Variants in TULP4 observed in about 807,000 individuals in gnomAD.
The protein encoded by TULP4 is tubby-related protein 4.
A neutral mutation model predicts 129.0 loss-of-function variants in TULP4; 16 were observed. The observed-to-expected ratio is 0.12, with a 90% confidence interval of 0.08 to 0.19. The LOEUF is 0.19. Ranked by LOEUF, TULP4 falls within the 10% of genes least tolerant of loss-of-function variation. The probability of loss-of-function intolerance (pLI) is 1.00; values close to 1 mark genes in which losing one functional copy is unlikely to be tolerated. For missense variants in TULP4, 1,842 were observed against 2,059.1 expected, an observed-to-expected ratio of 0.89 and a Z score of 2.04; for synonymous variants, 998 against 854.0, an observed-to-expected ratio of 1.17 and a Z score of -2.94.
At chr6:158,292,559 T>C (rs1248827672) in intron 1 of TULP4, among the ~76,000 whole-genome samples, 1 of 152,222 alleles carries the variant, frequency 6.6e-6, no homozygotes, top group Non-Finnish European at 1.5e-5. Flanking sequence ...AAGTGTAACA[T>C]GTAATTTTAC....
intron 1 of TULP4, among the ~76,000 whole-genome samples, chr6:158,338,444 C>T (rs533768243): frequency 6.6e-6 from 1 of 152,326 alleles, no homozygotes; most frequent in African/African-American, 2.4e-5. Flanking sequence ...TGGACACTCT[C>T]ATGCAGCCAG....
chr6:158,236,102 A>AT (rs1445783150), intron 1 of TULP4, among the ~76,000 whole-genome samples: 3 of 152,352 alleles, frequency 2.0e-5, no homozygotes, highest in Non-Finnish European at 4.4e-5. Flanking sequence ...CTGAATGGAA[A>AT]GGTATATTCA....
At chr6:158,276,305 TC>T in intron 1 of TULP4, among the ~76,000 whole-genome samples, 1 of 130,326 alleles carries the variant, frequency 7.7e-6, no homozygotes, top group African/African-American at 2.6e-5. Flanking sequence ...TCTTCTTCTT[TC>T]TTTTTTTTTT....
chr6:158,382,802 A>T (rs147465525), intron 1 of TULP4, among the ~76,000 whole-genome samples: 36 of 152,352 alleles, frequency 2.4e-4, no homozygotes, highest in African/African-American at 8.7e-4. Flanking sequence ...TTTGTAAGCC[A>T]TGAGACTTGT....
At chr6:158,241,832 A>C (rs1359192451) in intron 1 of TULP4, 3 of 595,434 alleles carry the variant, frequency 5.0e-6, no homozygotes, top group East Asian at 6.5e-5. Flanking sequence ...TGACCTTGTG[A>C]TCTGCCTGCC....
chr6:158,493,819 G>A lies in TULP4; in HGVS notation c.1776+102G>A. 7.5e-7 allele frequency: 1 copy of A among 1,325,298 alleles called. No individual in the cohort carries two copies. The highest frequency in any genetic ancestry group is 2.8e-5 in the East Asian group (1 of 36,082). The allele number at this position is 1,325,298 out of a possible 1,614,324, so 82.1% of individuals were successfully genotyped here. On this transcript the variant is annotated intron_variant, in intron 10 of 13. Coordinates refer to ENST00000367097, the MANE Select transcript of TULP4 (RefSeq NM_020245.5). The surrounding 1 kb of genome is among the most constrained non-coding windows in gnomAD (Gnocchi z 4.4). Reference sequence around the variant, plus strand: ...CCTGCACTGCTCACTGCCACCATGGGTCCCTGAGCTCTGCTCCACATCCTG... The same window carrying A: ...CCTGCACTGCTCACTGCCACCATGGATCCCTGAGCTCTGCTCCACATCCTG...
chr6:158,342,453 A>G (rs1188386893), intron 1 of TULP4, among the ~76,000 whole-genome samples: 1 of 152,190 alleles, frequency 6.6e-6, no homozygotes, highest in Non-Finnish European at 1.5e-5. Context: ...TTTTGTTTAT[A>G]TAGCCTCGGT....
chr6:158,494,368 T>C (rs1780279835), intron 10 of TULP4, among the ~76,000 whole-genome samples: 1 of 152,198 alleles, frequency 6.6e-6, no homozygotes, highest in South Asian at 2.1e-4. Flanking sequence ...TTTAAAAATT[T>C]AATTGAATGA....
chr6:158,270,370 AC>A (rs1778525678), intron 1 of TULP4, among the ~76,000 whole-genome samples: 1 of 152,082 alleles, frequency 6.6e-6, no homozygotes, highest in African/African-American at 2.4e-5. Flanking sequence ...GCTCCACAGC[AC>A]TTTTTTGGCT....
chr6:158,303,988 A>G (rs1779171623), intron 1 of TULP4, among the ~76,000 whole-genome samples: 1 of 152,218 alleles, frequency 6.6e-6, no homozygotes, highest in African/African-American at 2.4e-5. Flanking sequence ...TTGGTGGAAA[A>G]TAGGAATCAG....
rs532511357 is a variant in TULP4, at chr6:158,502,706, T to G, written c.3043T>G (p.Ser1015Ala). The G allele has an allele frequency of 6.4e-7, 1 of 1,560,518 alleles. No individual in the cohort carries two copies. The highest frequency in any genetic ancestry group is 2.3e-5 in the East Asian group (1 of 44,300). Residue 1015 changes from serine (S) to alanine (A), a missense_variant, in exon 13 of 14, where the codon TCC becomes GCC. Physicochemically the swap from Ser to Ala is moderately conservative, Grantham distance 99. Coordinates refer to ENST00000367097, the MANE Select transcript of TULP4 (RefSeq NM_020245.5). ...PRAPLQPLAKSKGGPGGVVTQ... is the reference protein window; with the variant it reads ...PRAPLQPLAKAKGGPGGVVTQ... ...GGCCCCCCTGCAGCCCCTGGCCAAG[T>G]CCAAGGGCGGGCCCGGGGGGGTGGT...
intron 1 of TULP4, among the ~76,000 whole-genome samples, chr6:158,373,892 G>A (rs756436035): frequency 3.2e-4 from 49 of 152,106 alleles, no homozygotes; most frequent in Non-Finnish European, 5.9e-4. Flanking sequence ...TCATATGGGC[G>A]GGGAGACAGG....
At chr6:158,309,906 G>A (rs1343144469), upstream of TULP4, among the ~76,000 whole-genome samples, 1 of 113,218 alleles carries the variant, frequency 8.8e-6, no homozygotes, top group African/African-American at 3.4e-5. Flanking sequence ...AGACCGTGGG[G>A]AGAGGGAGAG....
rs780349220 is a variant in TULP4, at chr6:158,493,692, A to T, written c.1751A>T (p.Glu584Val). ...SVGSPSLTRR[E>V]FPFEDITQHN... ...GGCTCGCCCAGCCTGACTCGGAGAG[A>T]GTTTCCTTTTGAAGACATCACTCAG... Residue 584 changes from glutamate (E) to valine (V), a missense_variant, in exon 10 of 14, where the codon GAG becomes GTG. By Grantham distance (121) the Glu-to-Val change is moderately radical. This residue lies in a region of TULP4 where 456 missense variants were observed against 534.3 expected (regional missense o/e 0.85). Coordinates refer to ENST00000367097, the MANE Select transcript of TULP4 (RefSeq NM_020245.5). The surrounding 1 kb of genome is among the most constrained non-coding windows in gnomAD (Gnocchi z 4.4). 6.3e-7 allele frequency: 1 copy of T among 1,588,874 alleles called. No homozygotes were observed. The highest frequency in any genetic ancestry group is 1.8e-5 in the Admixed American group (1 of 55,928).
intron 1 of TULP4, among the ~76,000 whole-genome samples, chr6:158,245,129 G>A (rs977813079): frequency 1.3e-5 from 2 of 151,402 alleles, no homozygotes; most frequent in Admixed American, 6.6e-5. Flanking sequence ...CTGGGACTAC[G>A]GGCACATATC....
intron 1 of TULP4, among the ~76,000 whole-genome samples, chr6:158,339,882 A>G (rs1316003948): frequency 1.3e-5 from 2 of 152,262 alleles, no homozygotes; most frequent in Admixed American, 1.3e-4. Flanking sequence ...TGACAGGATT[A>G]AGAGATTAAA....
chr6:158,374,488 A>G (rs1167240509), intron 1 of TULP4, among the ~76,000 whole-genome samples: 1 of 152,218 alleles, frequency 6.6e-6, no homozygotes, highest in African/African-American at 2.4e-5. Context: ...GCTCTGCCGG[A>G]TCAGGGAGGA....
At chr6:158,239,836 C>G (rs1290151083) in intron 1 of TULP4, among the ~76,000 whole-genome samples, 5 of 63,548 alleles carry the variant, frequency 7.9e-5, no homozygotes, top group Admixed American at 1.4e-4. Context: ...ACCTCCCTCC[C>G]GGACGGGGCG....
intron 1 of TULP4, among the ~76,000 whole-genome samples, chr6:158,349,920 A>T (rs6908427): frequency 1.0e-4 from 12 of 118,716 alleles, no homozygotes; most frequent in East Asian, 5.4e-4. Context: ...GGGCAGAGGC[A>T]CTCCCCACTT....
Sources: allele counts gnomAD v4.1 joint callset (sites outside exome capture counted in the v4.1 genomes callset), GRCh38; gene constraint gnomAD v4.1.1; regional missense constraint gnomAD v4.1.1; non-coding constraint Gnocchi (gnomAD v3.1); transcripts MANE v1.5; gene names NCBI Gene and HGNC (gene_info 2026-07-23, HGNC 2026-07-21).